CSMD1: variants seen among roughly 807,000 people sequenced by gnomAD.
CSMD1 encodes the protein CUB and sushi domain-containing protein 1.
CSMD1 carries 213 observed loss-of-function variants against 417.5 expected under a neutral mutation model. The observed-to-expected ratio is 0.51, with a 90% CI of 0.46 to 0.57. The LOEUF (loss-of-function observed/expected upper bound fraction) is 0.57, where lower values mean the gene tolerates loss of function less well. Ranked by LOEUF, CSMD1 falls within the 20% of genes least tolerant of loss-of-function variation. The probability of loss-of-function intolerance (pLI) is 0.00; values close to 1 mark genes in which losing one functional copy is unlikely to be tolerated. For missense variants in CSMD1, 6,923 were observed against 4,529.7 expected (o/e 1.53, Z -15.17); for synonymous variants, 2,862 against 1,736.8 (o/e 1.65, Z -16.11).
chr8:3,386,751 G>T (rs907307686), intron 18 of CSMD1, among the ~76,000 whole-genome samples: 4 of 152,126 alleles, frequency 2.6e-5, no homozygotes, highest in Admixed American at 2.0e-4. Context: ...TTTTTCTGCA[G>T]AAACAATGTT....
chr8:4,343,869 C>G (rs1485769298), intron 3 of CSMD1, among the ~76,000 whole-genome samples: 2 of 152,022 alleles, frequency 1.3e-5, no homozygotes, highest in African/African-American at 2.4e-5. Context: ...AGCATATGGC[C>G]CTGGTCAACT....
intron 37 of CSMD1, among the ~76,000 whole-genome samples, chr8:3,174,266 CAA>C (rs1820770186): frequency 6.6e-6 from 1 of 152,108 alleles, no homozygotes; most frequent in Non-Finnish European, 1.5e-5. Context: ...GGCTGAGGTG[CAA>C]AGATGGCTTA....
Position 2,941,440 on chromosome 8 carries a change from T to C in CSMD1, c.10535+1032A>G, listed in dbSNP as rs573198731. ...TATCTAATTTTATTTCAGGGGATCA[T>C]AATTTATTTCTTATTATTTGTAGTT... On this transcript the variant is annotated intron_variant, in intron 69 of 69. Coordinates refer to ENST00000635120, the MANE Select transcript of CSMD1 (RefSeq NM_033225.6). Among the ~76,000 whole-genome samples the C allele has an allele frequency of 1.5e-3, 230 of 152,370 alleles. 3 individuals carry two copies. The highest frequency in any genetic ancestry group is 1.6e-3 in the Non-Finnish European group (112 of 68,032).
chr8:3,821,725 T>C (rs1203504562), intron 5 of CSMD1, among the ~76,000 whole-genome samples: 1 of 152,086 alleles, frequency 6.6e-6, no homozygotes, highest in Non-Finnish European at 1.5e-5. Flanking sequence ...GAGGTTGCAG[T>C]GAGTTGAAAT....
At chr8:4,002,698 T>C (rs1815783486) in intron 4 of CSMD1, among the ~76,000 whole-genome samples, 2 of 152,124 alleles carry the variant, frequency 1.3e-5, no homozygotes, top group Non-Finnish European at 2.9e-5. Context: ...CAGTGTGGAG[T>C]GCTACAAGGA....
intron 3 of CSMD1, among the ~76,000 whole-genome samples, chr8:4,142,819 A>G (rs931804528): frequency 6.6e-5 from 10 of 151,154 alleles, no homozygotes; most frequent in Non-Finnish European, 1.2e-4. Context: ...AAAGCCTAAC[A>G]GAGGAAAATG....
chr8:4,704,415 G>A (rs1385200463), intron 1 of CSMD1, among the ~76,000 whole-genome samples: 2 of 152,186 alleles, frequency 1.3e-5, no homozygotes, highest in African/African-American at 4.8e-5. Context: ...TATTGTTTAT[G>A]TGGTGTCTGG....
At chr8:4,935,286 C>T (rs953746280) in intron 1 of CSMD1, among the ~76,000 whole-genome samples, 2 of 152,180 alleles carry the variant, frequency 1.3e-5, no homozygotes, top group Admixed American at 6.5e-5. Flanking sequence ...TGAAATTGTT[C>T]CCCATGACTG....
At chr8:3,094,107 T>C (rs1412808783) in intron 47 of CSMD1, among the ~76,000 whole-genome samples, 7 of 151,592 alleles carry the variant, frequency 4.6e-5, no homozygotes. Context: ...ATTTTATTTT[T>C]TATTTTTTTA....
At chr8:3,840,292 G>T (rs1012433250) in intron 5 of CSMD1, among the ~76,000 whole-genome samples, 3 of 152,112 alleles carry the variant, frequency 2.0e-5, no homozygotes, top group Admixed American at 1.3e-4. Context: ...CAAAGCTCAC[G>T]CAGGAGGCTG....
Position 4,100,557 on chromosome 8 carries a change from T to C in CSMD1, c.416-68458A>G, listed in dbSNP as rs1430214747. Among the ~76,000 whole-genome samples, 3 of 152,182 alleles carry C rather than the reference T, an allele frequency of 2.0e-5. No homozygotes were observed. The South Asian group carries it at 6.2e-4, about 32-fold the overall frequency. On this transcript the variant is annotated intron_variant, in intron 3 of 69. Coordinates refer to ENST00000635120, the MANE Select transcript of CSMD1 (RefSeq NM_033225.6). ...AGTGTTGAAGGATCAAATCAAAGAA[T>C]GTATAAAGAGAACAGCATCACCTGG... is the stretch of plus-strand genomic sequence containing the variant.
chr8:3,168,195 A>C (rs1316660419), intron 37 of CSMD1, among the ~76,000 whole-genome samples: 1 of 152,226 alleles, frequency 6.6e-6, no homozygotes, highest in Admixed American at 6.5e-5. Flanking sequence ...ATACAGGCGC[A>C]TACAGACACC....
chr8:4,176,301 C>A (rs1245519969), intron 3 of CSMD1, among the ~76,000 whole-genome samples: 1 of 151,940 alleles, frequency 6.6e-6, no homozygotes, highest in Non-Finnish European at 1.5e-5. Flanking sequence ...AGCAAGTGTC[C>A]ATCTTATCTA....
At chr8:4,268,585 A>G (rs1188492761) in intron 3 of CSMD1, among the ~76,000 whole-genome samples, 1 of 152,172 alleles carries the variant, frequency 6.6e-6, no homozygotes, top group East Asian at 1.9e-4. Context: ...CTCATTTCCA[A>G]AGACTTATTT....
chr8:4,892,748 C>T (rs1363252133), intron 1 of CSMD1, among the ~76,000 whole-genome samples: 1 of 151,960 alleles, frequency 6.6e-6, no homozygotes, highest in Non-Finnish European at 1.5e-5. Flanking sequence ...ATTTGCATCT[C>T]ATTTTTATTC....
chr8:3,666,344 G>C (rs774120078), intron 7 of CSMD1, among the ~76,000 whole-genome samples: 37 of 152,260 alleles, frequency 2.4e-4, no homozygotes, highest in Admixed American at 7.8e-4. Context: ...TGATATAAAC[G>C]CCTGTCCGTT....
chr8:3,162,361 G>C, intron 37 of CSMD1, 84 bp from the exon 38 acceptor site: 2 of 860,778 alleles, frequency 2.3e-6, no homozygotes, highest in African/African-American at 1.7e-5. Flanking sequence ...TATTTCTATT[G>C]CTCTCCTTCT....
intron 10 of CSMD1, among the ~76,000 whole-genome samples, chr8:3,552,201 A>C (rs1305847458): frequency 6.6e-6 from 1 of 152,204 alleles, no homozygotes; most frequent in Non-Finnish European, 1.5e-5. Flanking sequence ...TCTGTGGAAA[A>C]GACAACATTC....
intron 6 of CSMD1, among the ~76,000 whole-genome samples, chr8:3,722,065 G>T (rs186270319): frequency 2.4e-4 from 37 of 152,122 alleles, no homozygotes; most frequent in Non-Finnish European, 8.8e-5. Flanking sequence ...GGAAGAGGCC[G>T]GGCAAAGTGG....
Sources: allele counts gnomAD v4.1 joint callset (sites outside exome capture counted in the v4.1 genomes callset), GRCh38; gene constraint gnomAD v4.1.1; transcripts MANE v1.5; gene names NCBI Gene and HGNC (gene_info 2026-07-23, HGNC 2026-07-21).